Variants in PTPRD observed in about 807,000 individuals in gnomAD.
The protein encoded by PTPRD is receptor-type tyrosine-protein phosphatase delta.
In PTPRD, 34 loss-of-function variants were observed where a neutral mutation model predicts 214.5. The observed-to-expected ratio is 0.16, with a 90% confidence interval of 0.12 to 0.21. PTPRD has a LOEUF of 0.21. Ranked by LOEUF, PTPRD falls within the 10% of genes least tolerant of loss-of-function variation. PTPRD has a pLI of 1.00. For synonymous variants in PTPRD, 1,128 were observed against 845.7 expected (o/e 1.33, Z -5.79); for missense variants, 2,545 against 2,398.7 (o/e 1.06, Z -1.27).
At chr9:9,746,513 T>A (rs565824887) in intron 6 of PTPRD, among the ~76,000 whole-genome samples, 3 of 152,154 alleles carry the variant, frequency 2.0e-5, no homozygotes, top group Non-Finnish European at 4.4e-5. Context: ...GAGAGGAAAA[T>A]TGCCAAAAAG....
At chr9:10,389,835 G>A (rs979035282) in intron 2 of PTPRD, among the ~76,000 whole-genome samples, 8 of 151,676 alleles carry the variant, frequency 5.3e-5, no homozygotes, top group African/African-American at 1.5e-4. Context: ...TCATCTATTC[G>A]AGATCCTTCT....
rs1462312146 is a variant in PTPRD, at chr9:8,314,825, T to G, written c.*3049A>C. On this transcript the variant is annotated 3_prime_UTR_variant, in exon 46 of 46. Transcript: ENST00000381196. ...AGATGGGTTCAAGTAATATCATTATTGGGTGTAGAATCAATAGGGCAGTGC... is the reference window on the plus strand; with the variant it reads ...AGATGGGTTCAAGTAATATCATTATGGGGTGTAGAATCAATAGGGCAGTGC... 1 of 232,390 alleles carries G rather than the reference T, an allele frequency of 4.3e-6. No homozygotes were observed. Among genetic ancestry groups the G allele is most frequent in the Non-Finnish European group, 8.5e-6 (1 of 117,298 alleles). The allele number at this position is 232,390 out of a possible 1,614,324, so 14.4% of individuals were successfully genotyped here.
At chr9:9,154,057 A>G (rs2099879141) in intron 10 of PTPRD, among the ~76,000 whole-genome samples, 1 of 152,100 alleles carries the variant, frequency 6.6e-6, no homozygotes, top group South Asian at 2.1e-4. Context: ...ACATCCAAGG[A>G]GAATTTTGTG....
chr9:9,947,529 T>TAC (rs1173983579), intron 4 of PTPRD, among the ~76,000 whole-genome samples: 879 of 20,864 alleles, frequency 0.042, 17 homozygotes, highest in East Asian at 0.069. Context: ...ATATTATATA[T>TAC]ATTTTATATA....
At chr9:8,359,249 G>A (rs563133991) in intron 39 of PTPRD, among the ~76,000 whole-genome samples, 152 of 151,312 alleles carry the variant, frequency 1.0e-3, no homozygotes, top group Admixed American at 1.7e-3. Flanking sequence ...GAAACTGTTA[G>A]AAATGCAATT....
At chr9:8,882,831 G>A (rs988572594) in intron 11 of PTPRD, among the ~76,000 whole-genome samples, 3 of 134,492 alleles carry the variant, frequency 2.2e-5, no homozygotes, top group African/African-American at 8.4e-5. Context: ...GTTGCCGTAA[G>A]CCGAGATCAC....
At chr9:9,398,553 TGTTAAAGTCATA>T (rs2068814345) in intron 8 of PTPRD, among the ~76,000 whole-genome samples, 1 of 152,058 alleles carries the variant, frequency 6.6e-6, no homozygotes, top group Admixed American at 6.6e-5. Flanking sequence ...AAAACTTGAC[TGTTAAAGTCATA>T]GTAATATACC....
chr9:10,010,453 G>T (rs2096573748), intron 4 of PTPRD, among the ~76,000 whole-genome samples: 1 of 151,478 alleles, frequency 6.6e-6, no homozygotes, highest in Non-Finnish European at 1.5e-5. Context: ...AACTTTTGGT[G>T]GAAAATGAGG....
intron 9 of PTPRD, among the ~76,000 whole-genome samples, chr9:9,260,895 C>A (rs1010155672): frequency 4.0e-5 from 6 of 151,836 alleles, no homozygotes; most frequent in Non-Finnish European, 8.8e-5. Context: ...ACTGCTCCAT[C>A]CTGCAATCAA....
chr9:9,192,331 T>C (rs2099935755), intron 9 of PTPRD, among the ~76,000 whole-genome samples: 1 of 152,068 alleles, frequency 6.6e-6, no homozygotes, highest in African/African-American at 2.4e-5. Flanking sequence ...CCACTAGCTA[T>C]CTTGTGACAA....
intron 11 of PTPRD, among the ~76,000 whole-genome samples, chr9:8,773,492 T>A (rs1191194777): frequency 6.6e-6 from 1 of 152,216 alleles, no homozygotes; most frequent in African/African-American, 2.4e-5. Context: ...TGAAGTCCCA[T>A]GTCTTGAGGA....
intron 5 of PTPRD, among the ~76,000 whole-genome samples, chr9:9,889,096 A>C (rs1231652536): frequency 6.6e-6 from 1 of 152,104 alleles, no homozygotes; most frequent in Non-Finnish European, 1.5e-5. Flanking sequence ...GAGTAGAATG[A>C]TGGTTGCCAG....
At chr9:8,679,696 T>C (rs985837178) in intron 12 of PTPRD, among the ~76,000 whole-genome samples, 4 of 152,246 alleles carry the variant, frequency 2.6e-5, no homozygotes, top group African/African-American at 9.6e-5. Context: ...TGTGATGTTT[T>C]CTCCCAAGAG....
intron 7 of PTPRD, among the ~76,000 whole-genome samples, chr9:9,581,301 CA>C (rs2090692223): frequency 6.6e-6 from 1 of 151,960 alleles, no homozygotes; most frequent in Admixed American, 6.6e-5. Flanking sequence ...TTTTAGAATA[CA>C]TAATATTGTT....
At chr9:9,192,308 A>T (rs2099935738) in intron 9 of PTPRD, among the ~76,000 whole-genome samples, 1 of 152,104 alleles carries the variant, frequency 6.6e-6, no homozygotes, top group African/African-American at 2.4e-5. Flanking sequence ...TAAACTTGAG[A>T]GCTGAAAATC....
In PTPRD at chr9:9,413,811, T is replaced by G. The variant is rs142495658; in HGVS notation, c.-236-16329A>C. ...AAATTAGATAACATTTTTAAAGTAG[T>G]AATCACACTGTCTGCCACATGACAG... is the stretch of plus-strand genomic sequence containing the variant. On this transcript the variant is annotated intron_variant, in intron 8 of 45. Coordinates refer to ENST00000381196, the MANE Select transcript of PTPRD (RefSeq NM_002839.4). Among the ~76,000 whole-genome samples the G allele has an allele frequency of 7.9e-4, 121 of 152,328 alleles. 2 individuals carry two copies. The highest frequency in any genetic ancestry group is 2.9e-3 in the African/African-American group (121 of 41,582).
At chr9:9,130,008 G>A (rs1046770127) in intron 10 of PTPRD, among the ~76,000 whole-genome samples, 7 of 152,102 alleles carry the variant, frequency 4.6e-5, no homozygotes, top group Non-Finnish European at 7.4e-5. Context: ...ACTTAAGAGT[G>A]CCTGACATAT....
intron 5 of PTPRD, 70 bp downstream of exon 5, chr9:9,938,437 T>TA (rs541819221): frequency 1.7e-3 from 254 of 152,276 alleles, no homozygotes; most frequent in African/African-American, 5.7e-3. Flanking sequence ...ATTAATTCTG[T>TA]AGATAGAAGT....
chr9:8,915,207 G>T (rs768703617), intron 11 of PTPRD, among the ~76,000 whole-genome samples: 1 of 152,072 alleles, frequency 6.6e-6, no homozygotes, highest in Non-Finnish European at 1.5e-5. Flanking sequence ...TGAAGAAAAG[G>T]GTGTGTGTGA....
Sources: allele counts gnomAD v4.1 joint callset (sites outside exome capture counted in the v4.1 genomes callset), GRCh38; gene constraint gnomAD v4.1.1; transcripts MANE v1.5; gene names NCBI Gene and HGNC (gene_info 2026-07-23, HGNC 2026-07-21).